Variants in NOTCH2NLC observed in about 807,000 individuals in gnomAD.
NOTCH2NLC encodes notch homolog 2 N-terminal-like protein C.
NOTCH2NLC carries 4 observed loss-of-function variants against 17.7 expected under a neutral mutation model. That is an observed-to-expected ratio of 0.23 (90% CI 0.11 to 0.52). The LOEUF is 0.52. Among genes scored for constraint, NOTCH2NLC ranks in the 20% least tolerant of loss-of-function variants. The pLI is 0.96. For missense variants in NOTCH2NLC, 57 were observed against 207.2 expected (o/e 0.28, Z 4.45); for synonymous variants, 18 against 86.0 (o/e 0.21, Z 4.38).
intron 2 of NOTCH2NLC, among the ~76,000 whole-genome samples, chr1:149,432,624 C>T (rs1271958375): frequency 6.6e-6 from 1 of 151,062 alleles, no homozygotes; most frequent in Non-Finnish European, 1.5e-5. Flanking sequence ...GTTAACTACT[C>T]TTGTGGTAGT....
intron 1 of NOTCH2NLC, among the ~76,000 whole-genome samples, chr1:149,429,141 C>T (rs1377062752): frequency 6.8e-6 from 1 of 147,428 alleles, no homozygotes; most frequent in Non-Finnish European, 1.5e-5. Context: ...CTGTTTGGGC[C>T]TGCAGCCTGG....
chr1:149,446,622 C>T (rs1198185536), intron 2 of NOTCH2NLC, among the ~76,000 whole-genome samples: 2 of 148,362 alleles, frequency 1.3e-5, no homozygotes, highest in African/African-American at 5.0e-5. Context: ...AGGTGTGAGC[C>T]ACTGTGCCCA....
chr1:149,462,867 G>C (rs1344795573), intron 3 of NOTCH2NLC, among the ~76,000 whole-genome samples: 19 of 110,788 alleles, frequency 1.7e-4, no homozygotes, highest in Non-Finnish European at 2.1e-4. Context: ...ATGGAGTCTT[G>C]CTGTGTTGCC....
At position 149,471,638 on chromosome 1, in the gene NOTCH2NLC, G is replaced by A. The variant is rs1485038079; in HGVS notation, c.*7485G>A. On this transcript the variant is annotated 3_prime_UTR_variant, in exon 5 of 5. Coordinates refer to ENST00000650865, the MANE Select transcript of NOTCH2NLC (RefSeq NM_001364013.2). ...ACTGCAAGAAGTGGGGAATTGGAGA[G>A]TGACTGCCCATAGGTACAGGCATGC... Among the ~76,000 whole-genome samples, 97 of 149,984 alleles carry A rather than the reference G, an allele frequency of 6.5e-4. 1 individual carries two copies. The highest frequency in any genetic ancestry group is 1.3e-3 in the Non-Finnish European group (90 of 67,246).
In NOTCH2NLC at chr1:149,460,637, G is replaced by A. The variant is rs1264686092; in HGVS notation, c.470-2854G>A. ...CAGGTGTGAGCCACCACACCCGGCCGATTCTGATCATCTTTTATACATATG... is the reference window on the plus strand; with the variant it reads ...CAGGTGTGAGCCACCACACCCGGCCAATTCTGATCATCTTTTATACATATG... On this transcript the variant is annotated intron_variant, in intron 3 of 4. Coordinates refer to ENST00000650865, the MANE Select transcript of NOTCH2NLC (RefSeq NM_001364013.2). 1.4e-4 allele frequency among the ~76,000 whole-genome samples: 21 copies of A among 149,072 alleles called. No homozygotes were observed. In the East Asian group the frequency reaches 2.6e-3, roughly 19 times the overall value.
chr1:149,449,276 A>G (rs1288122590), intron 2 of NOTCH2NLC, among the ~76,000 whole-genome samples: 2 of 150,864 alleles, frequency 1.3e-5, no homozygotes, highest in African/African-American at 4.9e-5. Flanking sequence ...AAGAGACAAT[A>G]GCTATCAAAT....
intron 1 of NOTCH2NLC, among the ~76,000 whole-genome samples, chr1:149,413,298 G>T (rs1403718066): frequency 6.6e-6 from 1 of 151,042 alleles, no homozygotes; most frequent in African/African-American, 2.4e-5. Flanking sequence ...CCTGGGAATT[G>T]AATTTTATCT....
chr1:149,426,565 CT>C (rs2084414064), intron 1 of NOTCH2NLC, among the ~76,000 whole-genome samples: 1 of 131,540 alleles, frequency 7.6e-6, no homozygotes, highest in South Asian at 2.6e-4. Flanking sequence ...AAATCTACTA[CT>C]TCTTTTTGCC....
rs1170833011 is a variant in NOTCH2NLC, at chr1:149,466,246, A to ATGTGTGTG, written c.*2116_*2123dup. 1.3e-3 allele frequency: 169 copies of ATGTGTGTG among 133,090 alleles called. No individual in the cohort carries two copies. Among genetic ancestry groups the ATGTGTGTG allele is most frequent in the African/African-American group, 4.5e-3 (163 of 36,054 alleles). 8.2% of individuals were successfully genotyped at this position (133,090 alleles called of 1,614,324 possible). A position where few individuals can be genotyped will look rare whatever the true frequency, so the allele number is the denominator to read the frequency against. On this transcript the variant is annotated 3_prime_UTR_variant, in exon 5 of 5. Transcript: ENST00000650865. The stretch of plus-strand genomic sequence containing the variant: ...CAAATAGTACTTGTTACATATCAAT[A>ATGTGTGTG]TGTGTGTGTGTGTGTGTGTGTGTGT...
At chr1:149,393,332 T>A (rs1250672981) in intron 1 of NOTCH2NLC, among the ~76,000 whole-genome samples, 2 of 151,166 alleles carry the variant, frequency 1.3e-5, no homozygotes, top group Admixed American at 1.3e-4. Context: ...GTAGAAGAGA[T>A]TTAGAAGCCT....
At chr1:149,417,251 A>C (rs1372243297) in intron 1 of NOTCH2NLC, among the ~76,000 whole-genome samples, 1 of 149,702 alleles carries the variant, frequency 6.7e-6, no homozygotes. Context: ...CTGGGATTAC[A>C]GGTGCCCGCC....
At chr1:149,418,842 G>A (rs2084360510) in intron 1 of NOTCH2NLC, among the ~76,000 whole-genome samples, 1 of 147,790 alleles carries the variant, frequency 6.8e-6, no homozygotes, top group East Asian at 2.1e-4. Flanking sequence ...TCTTCTGGTG[G>A]AATTCCCTTA....
intron 1 of NOTCH2NLC, among the ~76,000 whole-genome samples, chr1:149,421,535 G>A (rs1246952291): frequency 7.2e-6 from 1 of 139,274 alleles, no homozygotes; most frequent in East Asian, 2.1e-4. Context: ...TAAAAAGGGA[G>A]TTTACTAAAA....
chr1:149,430,602 A>G (rs2084443161), intron 1 of NOTCH2NLC, among the ~76,000 whole-genome samples: 1 of 142,078 alleles, frequency 7.0e-6, no homozygotes, highest in Admixed American at 7.1e-5. Context: ...TATAATACTC[A>G]TCTGAAGTAT....
chr1:149,400,333 G>T (rs1275360416), intron 1 of NOTCH2NLC, among the ~76,000 whole-genome samples: 3 of 138,244 alleles, frequency 2.2e-5, no homozygotes, highest in East Asian at 4.2e-4. Flanking sequence ...CGTTTGTATT[G>T]CCTTTTTTTC....
rs1320939548 is a variant in NOTCH2NLC, at chr1:149,423,561, C to G, written c.136-7381C>G. On this transcript the variant is annotated intron_variant, in intron 1 of 4. Transcript: ENST00000650865. ...CTTTGCTTTGTTCATTTTACTGAGCCTCTTCCAGAGGCCATGTGCCAGAAT... is the reference window on the plus strand; with the variant it reads ...CTTTGCTTTGTTCATTTTACTGAGCGTCTTCCAGAGGCCATGTGCCAGAAT... 5.4e-5 allele frequency among the ~76,000 whole-genome samples: 8 copies of G among 148,154 alleles called. 1 individual carries two copies. The East Asian group carries it at 1.3e-3, about 23-fold the overall frequency.
intron 1 of NOTCH2NLC, among the ~76,000 whole-genome samples, chr1:149,393,207 G>A (rs1392874869): frequency 2.1e-4 from 31 of 150,478 alleles, no homozygotes; most frequent in African/African-American, 6.8e-4. Context: ...GAGGTGCTGC[G>A]ATTATTAGCT....
chr1:149,391,662 AG>A (rs1446381778), intron 1 of NOTCH2NLC, among the ~76,000 whole-genome samples: 8 of 145,876 alleles, frequency 5.5e-5, no homozygotes, highest in African/African-American at 1.7e-4. Context: ...CTGCTGTTTC[AG>A]GCTGTGTCCA....
At chr1:149,421,455 C>A (rs1179785273) in intron 1 of NOTCH2NLC, among the ~76,000 whole-genome samples, 1 of 142,154 alleles carries the variant, frequency 7.0e-6, no homozygotes, top group Non-Finnish European at 1.5e-5. Flanking sequence ...GCTGAGATTG[C>A]GCCACTGCAC....
Sources: allele counts gnomAD v4.1 joint callset (sites outside exome capture counted in the v4.1 genomes callset), GRCh38; gene constraint gnomAD v4.1.1; transcripts MANE v1.5; gene names NCBI Gene and HGNC (gene_info 2026-07-23, HGNC 2026-07-21).